PRKCH: variants seen among roughly 807,000 people sequenced by gnomAD.
The protein encoded by PRKCH is protein kinase C eta.
PRKCH carries 28 observed loss-of-function variants against 82.5 expected under a neutral mutation model. The observed-to-expected ratio is 0.34, with a 90% confidence interval of 0.25 to 0.47. The LOEUF (loss-of-function observed/expected upper bound fraction) is 0.47. Ranked by LOEUF, PRKCH falls within the 20% of genes least tolerant of loss-of-function variation. The pLI is 1.00. For synonymous variants in PRKCH, 322 were observed against 327.4 expected, an observed-to-expected ratio of 0.98 and a Z score of 0.18; for missense variants, 705 against 881.8, an observed-to-expected ratio of 0.80 and a Z score of 2.54.
intron 1 of PRKCH, among the ~76,000 whole-genome samples, chr14:61,356,619 G>A (rs2046153930): frequency 6.6e-6 from 1 of 152,168 alleles, no homozygotes; most frequent in Non-Finnish European, 1.5e-5. Flanking sequence ...AATTTATTAA[G>A]TGTTGTCTTG....
At chr14:61,339,728 C>T (rs1311523683) in intron 1 of PRKCH, among the ~76,000 whole-genome samples, 2 of 145,842 alleles carry the variant, frequency 1.4e-5, no homozygotes, top group Non-Finnish European at 3.0e-5. Flanking sequence ...GTCATCCAGG[C>T]CAGAGTGCAG....
At chr14:61,473,991 C>CT (rs1362570990) in intron 9 of PRKCH, among the ~76,000 whole-genome samples, 3 of 127,026 alleles carry the variant, frequency 2.4e-5, no homozygotes, top group African/African-American at 9.3e-5. Context: ...GAGACTCTGT[C>CT]TTAAAAAAAA....
intron 1 of PRKCH, among the ~76,000 whole-genome samples, chr14:61,236,229 G>A (rs183916608): frequency 6.6e-6 from 1 of 151,898 alleles, no homozygotes; most frequent in Admixed American, 6.6e-5. Flanking sequence ...AATTAGCTGG[G>A]CGTAGCAGTG....
At chr14:61,414,035 T>C (rs1882425177) in intron 2 of PRKCH, among the ~76,000 whole-genome samples, 1 of 152,146 alleles carries the variant, frequency 6.6e-6, no homozygotes, top group East Asian at 1.9e-4. Flanking sequence ...TTCCCTTCTC[T>C]TCCTTTCTCG....
intron 1 of PRKCH, among the ~76,000 whole-genome samples, chr14:61,287,582 C>T (rs183013927): frequency 1.6e-3 from 245 of 152,110 alleles, no homozygotes; most frequent in African/African-American, 5.5e-3. Flanking sequence ...TGGTAGTGCA[C>T]GCCTGTAATC....
chr14:61,201,815 CAAAG>C (rs2044484164), intron 1 of PRKCH, among the ~76,000 whole-genome samples: 1 of 151,540 alleles, frequency 6.6e-6, no homozygotes, highest in African/African-American at 2.4e-5. Flanking sequence ...AGTTGATAAG[CAAAG>C]AAACAGTATA....
intron 1 of PRKCH, among the ~76,000 whole-genome samples, chr14:61,200,741 C>A (rs1184008265): frequency 6.6e-6 from 1 of 151,486 alleles, no homozygotes; most frequent in South Asian, 2.1e-4. Flanking sequence ...TATATTTATA[C>A]AACTTTCATT....
At chr14:61,500,570 A>T (rs1316554174) in intron 10 of PRKCH, among the ~76,000 whole-genome samples, 1 of 152,110 alleles carries the variant, frequency 6.6e-6, no homozygotes, top group Non-Finnish European at 1.5e-5. Flanking sequence ...TGGTGTGGTG[A>T]TCTCAAAAAA....
At chr14:61,323,130 G>A (rs1417394402) in intron 1 of PRKCH, among the ~76,000 whole-genome samples, 1 of 152,100 alleles carries the variant, frequency 6.6e-6, no homozygotes, top group Non-Finnish European at 1.5e-5. Flanking sequence ...GCTGCTATGG[G>A]TCTGAGAAGA....
intron 12 of PRKCH, among the ~76,000 whole-genome samples, chr14:61,547,302 A>G (rs2043270589): frequency 6.6e-6 from 1 of 152,170 alleles, no homozygotes; most frequent in African/African-American, 2.4e-5. Flanking sequence ...TGGTCTCGTC[A>G]GAGAGCAGGA....
intron 10 of PRKCH, among the ~76,000 whole-genome samples, chr14:61,520,707 G>A (rs927486996): frequency 1.1e-4 from 16 of 152,218 alleles, no homozygotes; most frequent in Non-Finnish European, 1.9e-4. Context: ...TTTCACTGGC[G>A]GTTTGGCAAG....
At chr14:61,547,502 C>G (rs955681622) in intron 12 of PRKCH, among the ~76,000 whole-genome samples, 5 of 152,196 alleles carry the variant, frequency 3.3e-5, no homozygotes, top group Admixed American at 3.3e-4. Context: ...GACCCTCCTG[C>G]TTTCTTTTAG....
intron 2 of PRKCH, among the ~76,000 whole-genome samples, chr14:61,407,280 A>G (rs58663308): frequency 0.044 from 6,769 of 152,272 alleles, 462 homozygotes; most frequent in African/African-American, 0.15. Flanking sequence ...TGAATAATGC[A>G]TTTATTATTA....
intron 1 of PRKCH, among the ~76,000 whole-genome samples, chr14:61,261,652 C>A (rs1249378156): frequency 1.3e-5 from 2 of 151,960 alleles, no homozygotes; most frequent in Non-Finnish European, 2.9e-5. Flanking sequence ...TCATCTGTTG[C>A]CATTTACATC....
chr14:61,337,288 C>A (rs935861259), intron 1 of PRKCH, among the ~76,000 whole-genome samples: 2 of 151,922 alleles, frequency 1.3e-5, no homozygotes, highest in Non-Finnish European at 2.9e-5. Flanking sequence ...GGACCATAGG[C>A]GTGCGCCACC....
chr14:61,411,249 G>A (rs939953926), intron 2 of PRKCH, among the ~76,000 whole-genome samples: 9 of 152,208 alleles, frequency 5.9e-5, no homozygotes, highest in African/African-American at 2.2e-4. Context: ...CGGTGACCAA[G>A]ATAGGAATGG....
intron 1 of PRKCH, among the ~76,000 whole-genome samples, chr14:61,364,686 A>C (rs1374104324): frequency 6.6e-6 from 1 of 151,900 alleles, no homozygotes; most frequent in Non-Finnish European, 1.5e-5. Context: ...AAAAGTACAA[A>C]AACTTAGCCA....
intron 2 of PRKCH, among the ~76,000 whole-genome samples, chr14:61,402,515 G>T (rs1420854376): frequency 6.6e-6 from 1 of 152,168 alleles, no homozygotes; most frequent in African/African-American, 2.4e-5. Context: ...CTAGCTGTCA[G>T]GCTGGGCGCA....
At chr14:61,290,685 A>G (rs1027731537) in intron 1 of PRKCH, among the ~76,000 whole-genome samples, 3 of 152,206 alleles carry the variant, frequency 2.0e-5, no homozygotes, top group African/African-American at 7.2e-5. Flanking sequence ...CCTAAAAGAA[A>G]TGGGTGCATT....
Sources: allele counts gnomAD v4.1 joint callset (sites outside exome capture counted in the v4.1 genomes callset), GRCh38; gene constraint gnomAD v4.1.1; transcripts MANE v1.5; gene names NCBI Gene and HGNC (gene_info 2026-07-23, HGNC 2026-07-21).